The following ASIC2 variants were observed in gnomAD, a reference collection of about 807,000 sequenced individuals.
ASIC2 encodes acid sensing ion channel subunit 2.
Under a neutral mutation model 57.3 loss-of-function variants are expected in ASIC2, and 25 were observed. The observed-to-expected ratio is 0.44, with a 90% CI of 0.32 to 0.61. The LOEUF (loss-of-function observed/expected upper bound fraction) is 0.61, where lower values mean the gene tolerates loss of function less well. ASIC2 is among the 20% of genes least tolerant of loss of function. The pLI is 0.06. For missense variants in ASIC2, 641 were observed against 738.1 expected, an observed-to-expected ratio of 0.87 and a Z score of 1.52; for synonymous variants, 319 against 307.5, an observed-to-expected ratio of 1.04 and a Z score of -0.39.
rs546806139 is a variant in ASIC2 at position 33,338,671 on chromosome 17, T to C, written c.556-226604A>G. ...AAGGTAAACGATCTTAGACATTCAA[T>C]GATTTGTGGGTCTCCAAAGGGTTAC... On this transcript the variant is annotated intron_variant, in intron 1 of 9. Transcript: ENST00000359872. Among the ~76,000 whole-genome samples, 9 of 152,338 alleles carry C rather than the reference T, an allele frequency of 5.9e-5. No homozygotes were observed. The South Asian group carries it at 1.9e-3, about 32-fold the overall frequency.
chr17:33,527,349 G>A (rs925105255), intron 1 of ASIC2, among the ~76,000 whole-genome samples: 1 of 152,204 alleles, frequency 6.6e-6, no homozygotes, highest in Non-Finnish European at 1.5e-5. Context: ...CTCAGAAGTA[G>A]CTGAAACCAA....
At chr17:33,953,879 T>A (rs62057443) in intron 1 of ASIC2, among the ~76,000 whole-genome samples, 23,057 of 152,170 alleles carry the variant, frequency 0.15, 2,247 homozygotes, top group East Asian at 0.28. Context: ...TAGATTAAGA[T>A]GATAGAGAGC....
intron 1 of ASIC2, among the ~76,000 whole-genome samples, chr17:33,155,241 G>C (rs1049911517): frequency 6.6e-6 from 1 of 152,250 alleles, no homozygotes; most frequent in African/African-American, 2.4e-5. Context: ...GGCTGTTCCT[G>C]AACGAATCCT....
At chr17:34,039,632 C>T in intron 1 of ASIC2, 2 of 1,613,314 alleles carry the variant, frequency 1.2e-6, no homozygotes, top group Non-Finnish European at 8.5e-7. Context: ...ATTTTATGTC[C>T]CCTAGGAGTG....
intron 1 of ASIC2, among the ~76,000 whole-genome samples, chr17:33,630,237 T>C (rs1022934448): frequency 2.0e-5 from 3 of 152,088 alleles, no homozygotes; most frequent in Non-Finnish European, 4.4e-5. Context: ...GTTCCTTCCT[T>C]CCCCATCTCA....
chr17:33,027,208 C>T (rs1395204384), intron 4 of ASIC2, among the ~76,000 whole-genome samples: 12 of 152,132 alleles, frequency 7.9e-5, no homozygotes, highest in Admixed American at 7.9e-4. Context: ...TTTGCATCTC[C>T]CTGACCCTTC....
At chr17:33,085,040 C>T (rs1288710008) in intron 3 of ASIC2, among the ~76,000 whole-genome samples, 1 of 152,096 alleles carries the variant, frequency 6.6e-6, no homozygotes, top group African/African-American at 2.4e-5. Context: ...AAGACTTTCC[C>T]ATTTATACAA....
At chr17:33,026,327 G>C (rs957532057) in intron 4 of ASIC2, among the ~76,000 whole-genome samples, 13 of 152,314 alleles carry the variant, frequency 8.5e-5, no homozygotes, top group Middle Eastern at 6.8e-3. Flanking sequence ...GTGGTGGTAA[G>C]CACCTTGTAA....
At chr17:33,785,959 T>C (rs1156284322) in intron 1 of ASIC2, among the ~76,000 whole-genome samples, 1 of 152,216 alleles carries the variant, frequency 6.6e-6, no homozygotes, top group African/African-American at 2.4e-5. Flanking sequence ...TTTACTGCTA[T>C]CTGCTAAGTG....
chr17:33,406,207 T>C (rs956999694), intron 1 of ASIC2, among the ~76,000 whole-genome samples: 1 of 152,202 alleles, frequency 6.6e-6, no homozygotes, highest in African/African-American at 2.4e-5. Flanking sequence ...TAGGTAAAGC[T>C]TGATGAGCAA....
chr17:33,681,128 T>C (rs1366520715), intron 1 of ASIC2, among the ~76,000 whole-genome samples: 1 of 152,242 alleles, frequency 6.6e-6, no homozygotes, highest in Admixed American at 6.5e-5. Context: ...CCCAGTTGAA[T>C]GCATTTTGTT....
At chr17:33,526,927 G>A (rs946846398) in intron 1 of ASIC2, among the ~76,000 whole-genome samples, 1 of 152,206 alleles carries the variant, frequency 6.6e-6, no homozygotes, top group African/African-American at 2.4e-5. Flanking sequence ...GATTCCTCAT[G>A]CTGGGCCTTA....
At chr17:33,215,151 C>A (rs1907427584) in intron 1 of ASIC2, among the ~76,000 whole-genome samples, 1 of 152,140 alleles carries the variant, frequency 6.6e-6, no homozygotes, top group African/African-American at 2.4e-5. Flanking sequence ...TGATCTCTCA[C>A]CAGTCAAAAT....
At chr17:33,468,351 A>G (rs973733846) in intron 1 of ASIC2, among the ~76,000 whole-genome samples, 1 of 152,228 alleles carries the variant, frequency 6.6e-6, no homozygotes, top group African/African-American at 2.4e-5. Flanking sequence ...AGAAGATATT[A>G]ATAAGCAGTG....
At chr17:33,082,111 A>T (rs2092115203) in intron 3 of ASIC2, among the ~76,000 whole-genome samples, 1 of 152,054 alleles carries the variant, frequency 6.6e-6, no homozygotes, top group South Asian at 2.1e-4. Flanking sequence ...GTTCTTGGTG[A>T]CAGTGGGAAG....
At chr17:33,591,885 TCA>T (rs1489997538) in intron 1 of ASIC2, among the ~76,000 whole-genome samples, 1 of 152,170 alleles carries the variant, frequency 6.6e-6, no homozygotes, top group Middle Eastern at 3.2e-3. Context: ...AACAGATCAC[TCA>T]CACAAGAATC....
chr17:33,488,871 C>T (rs1405134641), intron 1 of ASIC2, among the ~76,000 whole-genome samples: 1 of 152,148 alleles, frequency 6.6e-6, no homozygotes, highest in Non-Finnish European at 1.5e-5. Context: ...GATGGTACAA[C>T]TTTGGCACAG....
At chr17:33,572,679 A>G (rs1251123413) in intron 1 of ASIC2, among the ~76,000 whole-genome samples, 1 of 152,228 alleles carries the variant, frequency 6.6e-6, no homozygotes, top group East Asian at 1.9e-4. Context: ...CACCAGGCCC[A>G]GCCGCTTACC....
intron 1 of ASIC2, among the ~76,000 whole-genome samples, chr17:34,015,570 C>T (rs1460706895): frequency 1.3e-5 from 2 of 152,348 alleles, no homozygotes; most frequent in South Asian, 4.1e-4. Context: ...CCTCCCTTCT[C>T]ACAGGGATGT....
Sources: gnomAD v4.1 joint callset for allele counts (sites outside exome capture counted in the v4.1 genomes callset) on GRCh38, gnomAD v4.1.1 for gene constraint, MANE v1.5 for transcripts, NCBI Gene and HGNC (gene_info 2026-07-23, HGNC 2026-07-21) for gene names.